The following FBN2 variants were observed in gnomAD, a reference collection of about 807,000 sequenced individuals.
FBN2 encodes the protein fibrillin-2.
In FBN2, 105 loss-of-function variants were observed where a neutral mutation model predicts 355.6. The ratio of observed to expected loss-of-function variants is 0.30; its 90% CI spans 0.25 to 0.35. The LOEUF is 0.35. FBN2 is among the 10% of genes least tolerant of loss of function. FBN2 has a pLI of 1.00. For missense variants in FBN2, 3,280 were observed against 3,758.7 expected, an observed-to-expected ratio of 0.87 and a Z score of 3.33; for synonymous variants, 1,350 against 1,301.2, an observed-to-expected ratio of 1.04 and a Z score of -0.81.
chr5:128,483,442 G>C (rs1359902226), intron 5 of FBN2, among the ~76,000 whole-genome samples: 1 of 152,034 alleles, frequency 6.6e-6, no homozygotes. Flanking sequence ...AAGTTACGGA[G>C]AGAAACCATA....
rs192718432 is a variant in FBN2 at position 128,310,879 on chromosome 5, A to C, written c.5074+421T>G. On this transcript the variant is annotated intron_variant, in intron 39 of 64. Coordinates refer to ENST00000262464, the MANE Select transcript of FBN2 (RefSeq NM_001999.4). The stretch of plus-strand genomic sequence containing the variant: ...GATCAAGTGGGGGGATGGAAGCAAG[A>C]ATGGCAGCTGCATAACCTTTGAACT... Among the ~76,000 whole-genome samples the C allele has an allele frequency of 9.2e-5, 14 of 152,286 alleles. 1 individual carries two copies. The highest frequency in any genetic ancestry group is 4.1e-4 in the South Asian group (2 of 4,820).
At position 128,345,538 on chromosome 5, in the gene FBN2, G is replaced by A. The variant is rs1751153118; in HGVS notation, c.3036C>T (p.Cys1012=). 6.2e-7 allele frequency: 1 copy of A among 1,614,038 alleles called. No homozygotes were observed. The highest frequency in any genetic ancestry group is 8.5e-7 in the Non-Finnish European group (1 of 1,180,022). ...GGAACTTTCCAGGAACGGGGTGGAT[G>A]CATTCATCTTCATCCCACTTCAAGT... ...QCYLKWDEDE[C]IHPVPGKFRM... is the part of the protein sequence containing the mutation. Residue 1012 remains cysteine (C), a synonymous_variant, in exon 24 of 65, where the codon TGC becomes TGT. Coordinates refer to ENST00000262464, the MANE Select transcript of FBN2 (RefSeq NM_001999.4).
At chr5:128,297,187 A>C (rs1749547346) in intron 48 of FBN2, among the ~76,000 whole-genome samples, 1 of 152,090 alleles carries the variant, frequency 6.6e-6, no homozygotes, top group South Asian at 2.1e-4. Flanking sequence ...GTTTGATTGC[A>C]CTGTGGTCTG....
In FBN2 at chr5:128,307,287, T is replaced by C. The variant is rs534300725; in HGVS notation, c.5354-84A>G. On this transcript the variant is annotated intron_variant, in intron 41 of 64. Coordinates refer to ENST00000262464, the MANE Select transcript of FBN2 (RefSeq NM_001999.4). ...ATTTTGTATTACTTTCACAAACAAA[T>C]ATATTTTACATTATTCACAACCAGA... 9.5e-6 allele frequency: 8 copies of C among 838,728 alleles called. No homozygotes were observed. In the African/African-American group the frequency reaches 1.2e-4, roughly 12 times the overall value. The allele number at this position is 838,728 out of a possible 1,614,324, so 52.0% of individuals were successfully genotyped here.
intron 6 of FBN2, among the ~76,000 whole-genome samples, chr5:128,464,214 C>T (rs1754633957): frequency 6.6e-6 from 1 of 152,090 alleles, no homozygotes; most frequent in Non-Finnish European, 1.5e-5. Context: ...GAGATCATGA[C>T]CAACCCAGGT....
intron 5 of FBN2, among the ~76,000 whole-genome samples, chr5:128,500,362 G>A (rs757184506): frequency 1.1e-4 from 16 of 147,916 alleles, no homozygotes; most frequent in Non-Finnish European, 1.5e-4. Flanking sequence ...GGAATGAAAC[G>A]GAAGAGTGTC....
intron 62 of FBN2, among the ~76,000 whole-genome samples, 198 bp downstream of exon 62, chr5:128,271,801 A>G (rs1209847998): frequency 6.6e-6 from 1 of 152,206 alleles, no homozygotes; most frequent in Non-Finnish European, 1.5e-5. Flanking sequence ...GGTACTTAAA[A>G]ACAAACTTTT....
At chr5:128,474,352 CAA>C (rs1455799569) in intron 5 of FBN2, among the ~76,000 whole-genome samples, 2 of 152,100 alleles carry the variant, frequency 1.3e-5, no homozygotes, top group Non-Finnish European at 2.9e-5. Context: ...GGATCATAAG[CAA>C]GTCAAATTTA....
At chr5:128,400,203 T>C (rs969394012) in intron 8 of FBN2, among the ~76,000 whole-genome samples, 2 of 151,830 alleles carry the variant, frequency 1.3e-5, no homozygotes, top group South Asian at 2.1e-4. Flanking sequence ...AACCAGAGTA[T>C]ACTAAGATAT....
At chr5:128,533,369 T>C (rs1449101306) in intron 2 of FBN2, among the ~76,000 whole-genome samples, 1 of 152,226 alleles carries the variant, frequency 6.6e-6, no homozygotes, top group Non-Finnish European at 1.5e-5. Flanking sequence ...TACAGGTATA[T>C]ACTCTGTATC....
At chr5:128,499,357 T>C (rs777431086) in intron 5 of FBN2, among the ~76,000 whole-genome samples, 4 of 152,154 alleles carry the variant, frequency 2.6e-5, no homozygotes, top group Non-Finnish European at 4.4e-5. Flanking sequence ...TGCCCTGGGG[T>C]ACTTTGTAAG....
chr5:128,353,123 G>A (rs565481931), intron 20 of FBN2, among the ~76,000 whole-genome samples: 6 of 151,556 alleles, frequency 4.0e-5, no homozygotes, highest in African/African-American at 9.7e-5. Flanking sequence ...CAGTGAGATC[G>A]TGTCACTGTA....
intron 17 of FBN2, 63 bp downstream of exon 17, chr5:128,366,314 G>T (rs745970754): frequency 4.3e-4 from 355 of 816,960 alleles, no homozygotes; most frequent in Non-Finnish European, 6.5e-4. Context: ...ATTAATATTA[G>T]AATTATAAAG....
At chr5:128,523,807 A>G (rs567770513) in intron 4 of FBN2, among the ~76,000 whole-genome samples, 47 of 152,112 alleles carry the variant, frequency 3.1e-4, no homozygotes, top group African/African-American at 1.1e-3. Context: ...CGCCTGGTCC[A>G]TCAGAGTATA....
At chr5:128,348,462 G>A (rs554701790) in intron 23 of FBN2, among the ~76,000 whole-genome samples, 4 of 152,110 alleles carry the variant, frequency 2.6e-5, no homozygotes, top group Non-Finnish European at 4.4e-5. Context: ...CAAAAACTGA[G>A]TTAAAAATGA....
rs27855 is a variant in FBN2, at chr5:128,305,169, A to G, written c.5675-87T>C. The G allele has an allele frequency of 0.58, 653,241 of 1,132,668 alleles. 196,703 individuals carry two copies. The highest frequency in any genetic ancestry group is 0.81 in the East Asian group (31,574 of 38,926). 70.2% of individuals were successfully genotyped at this position (1,132,668 alleles called of 1,614,324 possible). On this transcript the variant is annotated intron_variant, in intron 44 of 64. Transcript: ENST00000262464. The stretch of plus-strand genomic sequence containing the variant: ...CACAGTTGTGTTTCTCTAATCTGCT[A>G]TTAATTATTATAGGCAGGCTGAAAA...
intron 7 of FBN2, among the ~76,000 whole-genome samples, chr5:128,411,185 C>T (rs1370685133): frequency 1.2e-4 from 18 of 152,124 alleles, no homozygotes. Context: ...CAGGAACAAA[C>T]CCTGTACCAG....
Position 128,360,290 on chromosome 5 carries a change from G to T in FBN2, c.2554+1433C>A, listed in dbSNP as rs377145712. 3.2e-4 allele frequency among the ~76,000 whole-genome samples: 48 copies of T among 152,220 alleles called. 3 individuals are homozygous for T. In the South Asian group the frequency reaches 1.0e-2, roughly 32 times the overall value. ...TCTGAAGAATTGGTGTTAGAGATGG[G>T]AGCAGGATCTAGAAAATAGAGACTC... On this transcript the variant is annotated intron_variant, in intron 19 of 64. Transcript: ENST00000262464.
intron 7 of FBN2, among the ~76,000 whole-genome samples, chr5:128,426,048 C>T (rs925918415): frequency 6.6e-6 from 1 of 152,112 alleles, no homozygotes; most frequent in African/African-American, 2.4e-5. Context: ...AATGCTTTGC[C>T]TGTAAACCAC....
Sources: allele counts gnomAD v4.1 joint callset (sites outside exome capture counted in the v4.1 genomes callset), GRCh38; gene constraint gnomAD v4.1.1; transcripts MANE v1.5; gene names NCBI Gene and HGNC (gene_info 2026-07-23, HGNC 2026-07-21).